The following KCNJ4 variants were observed in gnomAD, a reference collection of about 807,000 sequenced individuals.
The protein encoded by KCNJ4 is inward rectifier potassium channel 4.
In KCNJ4, 3 loss-of-function variants were observed where a neutral mutation model predicts 25.6. That is an observed-to-expected ratio of 0.12 (90% CI 0.05 to 0.30). The LOEUF (loss-of-function observed/expected upper bound fraction) is 0.30. KCNJ4 is among the 10% of genes least tolerant of loss of function. The pLI, the probability that KCNJ4 is intolerant of heterozygous loss-of-function variation, is 1.00. For synonymous variants in KCNJ4, 257 were observed against 283.9 expected, an observed-to-expected ratio of 0.91 and a Z score of 0.95; for missense variants, 286 against 666.8, an observed-to-expected ratio of 0.43 and a Z score of 6.29.
At chr22:38,435,666 C>A (rs2093063351) in intron 1 of KCNJ4, among the ~76,000 whole-genome samples, 1 of 150,150 alleles carries the variant, frequency 6.7e-6, no homozygotes, top group African/African-American at 2.5e-5. Flanking sequence ...GCACTCCAGT[C>A]TGGGCAACAG....
intron 1 of KCNJ4, among the ~76,000 whole-genome samples, chr22:38,431,954 T>G (rs903039525): frequency 6.6e-6 from 1 of 151,426 alleles, no homozygotes; most frequent in African/African-American, 2.4e-5. Context: ...TAGAGATGTT[T>G]TTTTTTTTTT....
chr22:38,453,509 C>T (rs765311441), intron 1 of KCNJ4, among the ~76,000 whole-genome samples: 2 of 152,172 alleles, frequency 1.3e-5, no homozygotes, highest in Non-Finnish European at 2.9e-5. Flanking sequence ...CACTGCCCCA[C>T]GCCCACCTCC....
intron 1 of KCNJ4, among the ~76,000 whole-genome samples, chr22:38,453,898 C>G (rs1252675754): frequency 1.3e-5 from 2 of 152,240 alleles, no homozygotes; most frequent in Non-Finnish European, 2.9e-5. Context: ...CCAACAGTCT[C>G]TGTTCCCACC....
At chr22:38,453,707 C>T (rs896553872) in intron 1 of KCNJ4, among the ~76,000 whole-genome samples, 1 of 152,140 alleles carries the variant, frequency 6.6e-6, no homozygotes, top group Non-Finnish European at 1.5e-5. Flanking sequence ...GAGTGACCAG[C>T]CCAGGGGGCT....
intron 1 of KCNJ4, among the ~76,000 whole-genome samples, chr22:38,433,258 A>G (rs2093055539): frequency 6.6e-6 from 1 of 151,992 alleles, no homozygotes; most frequent in African/African-American, 2.4e-5. Flanking sequence ...GACCAGCCTG[A>G]CCAACATGGA....
intron 1 of KCNJ4, among the ~76,000 whole-genome samples, chr22:38,445,010 GGTAA>G (rs764907089): frequency 2.2e-4 from 33 of 152,274 alleles, no homozygotes; most frequent in Admixed American, 1.8e-3. Flanking sequence ...AAGGGAAGCA[GGTAA>G]GTCACAAACC....
Position 38,427,184 on chromosome 22 carries a change from G to A in KCNJ4, c.949C>T (p.Arg317Cys), listed in dbSNP as rs779147388. The A allele has an allele frequency of 2.5e-6, 4 of 1,613,356 alleles. No individual in the cohort carries two copies. The highest frequency in any genetic ancestry group is 1.1e-5 in the South Asian group (1 of 91,076). The change falls in exon 2 of 2, where the codon CGC becomes TGC. Residue 317 changes from arginine to cysteine, a missense_variant. Transcript: ENST00000303592. Reference sequence around the variant, plus strand: ...TCCTCGAAGACCACAGGCTCAAAGCGGTGGCCCCACAGGATCTCGCTGGCC... The same window carrying A: ...TCCTCGAAGACCACAGGCTCAAAGCAGTGGCCCCACAGGATCTCGCTGGCC... Reference protein sequence around the residue: ...YLASEILWGHRFEPVVFEEKS... With the variant: ...YLASEILWGHCFEPVVFEEKS...
chr22:38,435,730 C>T (rs934896156), intron 1 of KCNJ4, among the ~76,000 whole-genome samples: 1 of 152,022 alleles, frequency 6.6e-6, no homozygotes. Flanking sequence ...AGAATTAACA[C>T]CACTGTCCCA....
In KCNJ4 at chr22:38,442,376, A is replaced by T. The variant is rs1479693997; in HGVS notation, c.-40+12604T>A. Among the ~76,000 whole-genome samples, 4 of 151,876 alleles carry T rather than the reference A, an allele frequency of 2.6e-5. No individual in the cohort carries two copies. The South Asian group carries it at 6.2e-4, about 24-fold the overall frequency. On this transcript the variant is annotated intron_variant, in intron 1 of 1. Coordinates refer to ENST00000303592, the MANE Select transcript of KCNJ4 (RefSeq NM_152868.3). ...ATCCTGGCTAACATGGTGAAACCCC[A>T]TCTCTATTAAAATTCAAAAAATTAG... is the stretch of plus-strand genomic sequence containing the variant.
At chr22:38,440,300 G>C (rs1171880011) in intron 1 of KCNJ4, among the ~76,000 whole-genome samples, 1 of 152,180 alleles carries the variant, frequency 6.6e-6, no homozygotes, top group Non-Finnish European at 1.5e-5. Flanking sequence ...CCAGCACTTT[G>C]AGAGGCTGAC....
In KCNJ4 at chr22:38,442,416, G is replaced by A. The variant is rs555112476; in HGVS notation, c.-40+12564C>T. ...CAAAAAATTAGCCAGGCGTGGTGGC[G>A]GGCACCTGTAGTCCCAGCTACTCGG... On this transcript the variant is annotated intron_variant, in intron 1 of 1. Transcript: ENST00000303592. 1.8e-4 allele frequency among the ~76,000 whole-genome samples: 27 copies of A among 151,892 alleles called. 1 individual carries two copies. Among genetic ancestry groups the A allele is most frequent in the East Asian group, 1.2e-3 (6 of 5,112 alleles).
At chr22:38,430,541 AT>A (rs1388574661) in intron 1 of KCNJ4, among the ~76,000 whole-genome samples, 1 of 152,142 alleles carries the variant, frequency 6.6e-6, no homozygotes, top group African/African-American at 2.4e-5. Flanking sequence ...CCAATGAGAT[AT>A]CATGCTGGAG....
chr22:38,428,149 G>C lies in KCNJ4; in HGVS notation c.-17C>G. 6.3e-7 allele frequency: 1 copy of C among 1,597,252 alleles called. No individual in the cohort carries two copies. Among genetic ancestry groups the C allele is most frequent in the Non-Finnish European group, 8.5e-7 (1 of 1,170,154 alleles). On this transcript the variant is annotated 5_prime_UTR_variant, in exon 2 of 2. Transcript: ENST00000303592. The stretch of plus-strand genomic sequence containing the variant: ...TCCGTGCATGTCCTGAAGCCGGCGT[G>C]GTCACCTGGGAAGACGCAGGGCCTG...
At chr22:38,448,874 C>G (rs196089) in intron 1 of KCNJ4, among the ~76,000 whole-genome samples, 1 of 152,190 alleles carries the variant, frequency 6.6e-6, no homozygotes, top group Non-Finnish European at 1.5e-5. Context: ...CTCCGCCCAA[C>G]TGCACCTCCC....
intron 1 of KCNJ4, among the ~76,000 whole-genome samples, chr22:38,434,685 GC>G (rs2093060450): frequency 6.6e-6 from 1 of 152,066 alleles, no homozygotes; most frequent in Non-Finnish European, 1.5e-5. Flanking sequence ...CCTACCCTGA[GC>G]CCCTGAGGCT....
chr22:38,434,511 G>C (rs1237571781), intron 1 of KCNJ4, among the ~76,000 whole-genome samples: 1 of 152,170 alleles, frequency 6.6e-6, no homozygotes, highest in Non-Finnish European at 1.5e-5. Flanking sequence ...AGATGCCGGG[G>C]GGTTGAGGGG....
At chr22:38,429,393 C>T (rs952421492) in intron 1 of KCNJ4, among the ~76,000 whole-genome samples, 24 of 152,190 alleles carry the variant, frequency 1.6e-4, no homozygotes, top group Admixed American at 1.2e-3. Flanking sequence ...TACAAACTTG[C>T]GTGGCACCAA....
rs1305472550 is a variant in KCNJ4, at chr22:38,443,864, C to A, written c.-40+11116G>T. ...GCTCAGAGCTCTCGTCTCCCCAGGG[C>A]ACTCGGGATGAACGCCCCGCCTCAG... is the stretch of plus-strand genomic sequence containing the variant. On this transcript the variant is annotated intron_variant, in intron 1 of 1. Coordinates refer to ENST00000303592, the MANE Select transcript of KCNJ4 (RefSeq NM_152868.3). This position sits in a 1 kb window ranked among gnomAD's most constrained non-coding sequence, Gnocchi z 4.1. Among the ~76,000 whole-genome samples the A allele has an allele frequency of 6.6e-6, 1 of 152,190 alleles. No individual in the cohort carries two copies. The highest frequency in any genetic ancestry group is 6.5e-5 in the Admixed American group (1 of 15,290).
At position 38,427,335 on chromosome 22, in the gene KCNJ4, G is replaced by A. The variant is rs769582370; in HGVS notation, c.798C>T (p.Asp266=). ...CCATGCCATAAAGCGGGCTGTCCTCGTCGATCTCGTGGACAATGATGATGG... is the reference window on the plus strand; with the variant it reads ...CCATGCCATAAAGCGGGCTGTCCTCATCGATCTCGTGGACAATGATGATGG... ...VSPIIIVHEI[D]EDSPLYGMGK... Residue 266 remains aspartate, a synonymous_variant, in exon 2 of 2, where the codon GAC becomes GAT. Coordinates refer to ENST00000303592, the MANE Select transcript of KCNJ4 (RefSeq NM_152868.3). 34 of 1,613,884 alleles carry A rather than the reference G, an allele frequency of 2.1e-5. No homozygotes were observed. Among genetic ancestry groups the A allele is most frequent in the South Asian group, 1.2e-4 (11 of 91,072 alleles).
Sources: allele counts gnomAD v4.1 joint callset (sites outside exome capture counted in the v4.1 genomes callset), GRCh38; gene constraint gnomAD v4.1.1; non-coding constraint Gnocchi (gnomAD v3.1); transcripts MANE v1.5; gene names NCBI Gene and HGNC (gene_info 2026-07-23, HGNC 2026-07-21).